Variants in TECPR1 observed in about 807,000 individuals in gnomAD.
TECPR1 encodes tectonin beta-propeller repeat-containing protein 1.
A neutral mutation model predicts 162.4 loss-of-function variants in TECPR1; 122 were observed. That is an observed-to-expected ratio of 0.75 (90% CI 0.65 to 0.87). The LOEUF (loss-of-function observed/expected upper bound fraction) is 0.87, where lower values mean the gene tolerates loss of function less well. Among genes scored for constraint, TECPR1 ranks in the 40% least tolerant of loss-of-function variants. TECPR1 has a pLI of 0.00. For synonymous variants in TECPR1, 642 were observed against 670.6 expected (o/e 0.96, Z 0.66); for missense variants, 1,432 against 1,618.2 (o/e 0.88, Z 1.97).
rs774870939 is a variant in TECPR1 at position 98,231,214 on chromosome 7, G to A, written c.2124+10C>T. 1.1e-5 allele frequency: 17 copies of A among 1,610,974 alleles called. No individual in the cohort carries two copies. The Admixed American group carries it at 2.0e-4, about 19-fold the overall frequency. On this transcript the variant is annotated intron_variant, in intron 14 of 25. Coordinates refer to ENST00000447648, the MANE Select transcript of TECPR1 (RefSeq NM_015395.3). ...CTCCCCCCGGCCCGAGGGGACCACCGACCACTCACCCAGTCATTCATGTCC... is the reference window on the plus strand; with the variant it reads ...CTCCCCCCGGCCCGAGGGGACCACCAACCACTCACCCAGTCATTCATGTCC...
rs773085229 is a variant in TECPR1 at position 98,217,712 on chromosome 7, C to G, written c.3364G>C (p.Gly1122Arg). The change falls in exon 25 of 26, where the codon GGC becomes CGC. Residue 1122 changes from glycine (G) to arginine (R), a missense_variant. Gly to Arg is a moderately radical substitution (Grantham distance 125, BLOSUM62 -2). Transcript: ENST00000447648. ...GVQPHEPKGH[G>R]WDYGIGGGWD... is the part of the protein sequence containing the mutation. ...CTCACCCCGATGCCGTAGTCCCAGC[C>G]GTGGCCCTTGGGCTCGTGAGGCTGC... 1.3e-6 allele frequency: 2 copies of G among 1,547,802 alleles called. No individual in the cohort carries two copies. The highest frequency in any genetic ancestry group is 2.7e-5 in the African/African-American group (2 of 73,016).
At position 98,235,849 on chromosome 7, in the gene TECPR1, A is replaced by AAAAAAAACAAAAAAAAAAAACAAC; in HGVS notation, c.1181+926_1181+927insGTTGTTTTTTTTTTTTGTTTTTTT. 1.5e-4 allele frequency among the ~76,000 whole-genome samples: 16 copies of AAAAAAAACAAAAAAAAAAAACAAC among 110,338 alleles called. 1 individual carries two copies. The East Asian group carries it at 2.1e-3, about 14-fold the overall frequency. 72.4% of individuals were successfully genotyped at this position (110,338 alleles called of 152,430 possible). On this transcript the variant is annotated intron_variant, in intron 10 of 25. Coordinates refer to ENST00000447648, the MANE Select transcript of TECPR1 (RefSeq NM_015395.3). The stretch of plus-strand genomic sequence containing the variant: ...TCTCAAAAAAAAAAAAAAAAAAAAA[A>AAAAAAAACAAAAAAAAAAAACAAC]AACACCATCTGAGCAGACTAAACCC...
In TECPR1 at chr7:98,223,737, T is replaced by A; in HGVS notation, c.2691-19A>T. 2 of 1,613,584 alleles carry A rather than the reference T, an allele frequency of 1.2e-6. No individual in the cohort carries two copies. The highest frequency in any genetic ancestry group is 8.5e-7 in the Non-Finnish European group (1 of 1,179,698). On this transcript the variant is annotated intron_variant, in intron 19 of 25. Transcript: ENST00000447648. ...GTATGAGCTGCAAGGAGGAAGAAGA[T>A]GAAATCAGGGCCACTTCGTGGAAGT...
intron 11 of TECPR1, chr7:98,233,196 G>A: frequency 1.3e-6 from 1 of 785,784 alleles, no homozygotes; most frequent in Non-Finnish European, 1.9e-6. Flanking sequence ...CTGCAGACAG[G>A]GGAAGGGGCA....
intron 6 of TECPR1, among the ~76,000 whole-genome samples, chr7:98,242,526 T>A (rs946781251): frequency 1.5e-5 from 2 of 134,056 alleles, no homozygotes; most frequent in African/African-American, 5.6e-5. Flanking sequence ...ACTCACCCAC[T>A]CACCCACCCA....
chr7:98,235,897 C>G (rs1322575188), intron 10 of TECPR1, among the ~76,000 whole-genome samples: 1 of 151,430 alleles, frequency 6.6e-6, no homozygotes, highest in Non-Finnish European at 1.5e-5. Flanking sequence ...TGAGCAAACG[C>G]CTGCCCTGGC....
At chr7:98,238,778 G>A (rs766540167) in intron 8 of TECPR1, among the ~76,000 whole-genome samples, 168 bp from the exon 9 acceptor site, 1 of 152,148 alleles carries the variant, frequency 6.6e-6, no homozygotes, top group South Asian at 2.1e-4. Flanking sequence ...GATCCACGCC[G>A]CTCTTCCCAC....
At chr7:98,220,895 T>C (rs1263935897) in intron 23 of TECPR1, among the ~76,000 whole-genome samples, 1 of 146,902 alleles carries the variant, frequency 6.8e-6, no homozygotes, top group Non-Finnish European at 1.5e-5. Flanking sequence ...TTCACTAAGT[T>C]GGCCAGGCTG....
intron 13 of TECPR1, 136 bp downstream of exon 13, chr7:98,231,668 C>T (rs1210487232): frequency 8.6e-7 from 1 of 1,156,426 alleles, no homozygotes; most frequent in Admixed American, 2.3e-5. Flanking sequence ...CCTGGGTACC[C>T]TCATTTCTGT....
intron 8 of TECPR1, 89 bp from the exon 9 acceptor site, chr7:98,238,699 A>C: frequency 9.1e-7 from 1 of 1,093,788 alleles, no homozygotes; most frequent in African/African-American, 1.6e-5. Flanking sequence ...ACAAGTGAAT[A>C]ATTTGATCCT....
intron 10 of TECPR1, among the ~76,000 whole-genome samples, chr7:98,235,849 A>AAAAAAAAAAAAAACAC: frequency 1.8e-5 from 2 of 110,258 alleles, no homozygotes; most frequent in African/African-American, 6.2e-5. Context: ...AAAAAAAAAA[A>AAAAAAAAAAAAAACAC]AACACCATCT....
At chr7:98,225,273 G>A (rs1277698305) in intron 17 of TECPR1, among the ~76,000 whole-genome samples, 171 bp from the exon 18 acceptor site, 2 of 152,244 alleles carry the variant, frequency 1.3e-5, no homozygotes, top group African/African-American at 4.8e-5. Flanking sequence ...AGTGGCTGAC[G>A]CCTGTAATCC....
chr7:98,232,804 TGC>T lies in TECPR1; in HGVS notation c.1818+21_1818+22del. The T allele has an allele frequency of 1.3e-6, 2 of 1,521,092 alleles. No individual in the cohort carries two copies. The highest frequency in any genetic ancestry group is 1.8e-6 in the Non-Finnish European group (2 of 1,138,896). The allele number at this position is 1,521,092 out of a possible 1,614,324, so 94.2% of individuals were successfully genotyped here. Reference sequence around the variant, plus strand: ...TTGCTGGAAAAAAAAAAAAAATGCATGCGCAGCCACCGGGGCACCCACCTGCT... The same window carrying T: ...TTGCTGGAAAAAAAAAAAAAATGCATGCAGCCACCGGGGCACCCACCTGCT... On this transcript the variant is annotated intron_variant, in intron 12 of 25. Coordinates refer to ENST00000447648, the MANE Select transcript of TECPR1 (RefSeq NM_015395.3). The surrounding 1 kb of genome is among the most constrained non-coding windows in gnomAD (Gnocchi z 4.6).
intron 20 of TECPR1, among the ~76,000 whole-genome samples, 193 bp downstream of exon 20, chr7:98,223,469 C>G (rs929145982): frequency 7.2e-5 from 11 of 152,056 alleles, no homozygotes; most frequent in Non-Finnish European, 1.3e-4. Flanking sequence ...GCACCGGGAG[C>G]CTGCGGGCAT....
intron 19 of TECPR1, among the ~76,000 whole-genome samples, 174 bp downstream of exon 19, chr7:98,224,627 C>A (rs1306390649): frequency 6.6e-6 from 1 of 152,192 alleles, no homozygotes; most frequent in Non-Finnish European, 1.5e-5. Context: ...CCCCTCCTGG[C>A]CTCTCTGCTG....
intron 6 of TECPR1, among the ~76,000 whole-genome samples, chr7:98,242,491 C>T (rs953310857): frequency 1.3e-4 from 19 of 151,316 alleles, no homozygotes; most frequent in African/African-American, 4.4e-4. Context: ...CACATATAAC[C>T]ACCTATCCAT....
rs767381470 is a variant in TECPR1, at chr7:98,222,436, C to G, written c.3014G>C (p.Arg1005Thr). ...TCCCCGGTAGAAGGCGGAGCCGTCC[C>G]TTGCCACGGCCCACACCTGGTAGCA... ...GACYQVWAVA[R>T]DGSAFYRGSV... Residue 1005 changes from arginine to threonine, a missense_variant, in exon 22 of 26, where the codon AGG (arginine) becomes ACG (threonine). Transcript: ENST00000447648. The G allele has an allele frequency of 6.3e-7, 1 of 1,595,888 alleles. No homozygotes were observed. Among genetic ancestry groups the G allele is most frequent in the South Asian group, 1.1e-5 (1 of 88,028 alleles).
Position 98,217,370 on chromosome 7 carries a change from T to G in TECPR1, c.*20A>C. ...CCCCAAACTGGGCACCGTCCCTGCA[T>G]GTAGGTGTGTGGGGGGGCCTCAGCA... On this transcript the variant is annotated 3_prime_UTR_variant, in exon 26 of 26. Transcript: ENST00000447648. The G allele has an allele frequency of 1.8e-5, 26 of 1,432,340 alleles. No homozygotes were observed. Among genetic ancestry groups the G allele is most frequent in the Non-Finnish European group, 2.2e-5 (23 of 1,041,548 alleles). 88.7% of individuals were successfully genotyped at this position (1,432,340 alleles called of 1,614,324 possible).
chr7:98,232,027 T>G lies in TECPR1; in HGVS notation c.1819-68A>C. The G allele has an allele frequency of 6.6e-7, 1 of 1,513,374 alleles. No homozygotes were observed. The allele number at this position is 1,513,374 out of a possible 1,614,324, so 93.7% of individuals were successfully genotyped here. On this transcript the variant is annotated intron_variant, in intron 12 of 25. Transcript: ENST00000447648. This position sits in a 1 kb window ranked among gnomAD's most constrained non-coding sequence, Gnocchi z 4.6. ...GGGTGCCAGGGGAGGAGGGCGGGGC[T>G]GGGGGTGCCCAGAGGAGGAGGCAGG... is the stretch of plus-strand genomic sequence containing the variant.
Sources: allele counts gnomAD v4.1 joint callset (sites outside exome capture counted in the v4.1 genomes callset), GRCh38; gene constraint gnomAD v4.1.1; non-coding constraint Gnocchi (gnomAD v3.1); transcripts MANE v1.5; gene names NCBI Gene and HGNC (gene_info 2026-07-23, HGNC 2026-07-21).